The following CSMD1 variants were observed in gnomAD, a reference collection of about 807,000 sequenced individuals.
The protein encoded by CSMD1 is CUB and Sushi multiple domains 1.
CSMD1 carries 213 observed loss-of-function variants against 417.5 expected under a neutral mutation model. The ratio of observed to expected loss-of-function variants is 0.51; its 90% CI spans 0.46 to 0.57. The LOEUF (loss-of-function observed/expected upper bound fraction) is 0.57, where lower values mean the gene tolerates loss of function less well. Among genes scored for constraint, CSMD1 ranks in the 20% least tolerant of loss-of-function variants. The pLI, the probability that CSMD1 is intolerant of heterozygous loss-of-function variation, is 0.00. For missense variants in CSMD1, 6,923 were observed against 4,529.7 expected (o/e 1.53, Z -15.17); for synonymous variants, 2,862 against 1,736.8 (o/e 1.65, Z -16.11).
intron 1 of CSMD1, among the ~76,000 whole-genome samples, chr8:4,704,876 C>T (rs1651259500): frequency 6.6e-6 from 1 of 152,118 alleles, no homozygotes; most frequent in Admixed American, 6.6e-5. Flanking sequence ...GCTCCAAAAA[C>T]CCTATGGTAA....
intron 3 of CSMD1, among the ~76,000 whole-genome samples, chr8:4,133,582 A>G (rs1803240058): frequency 6.6e-6 from 1 of 152,194 alleles, no homozygotes; most frequent in Non-Finnish European, 1.5e-5. Flanking sequence ...ATTAACGCCG[A>G]TATGTGTAAT....
chr8:3,170,341 G>A (rs973382799), intron 37 of CSMD1, among the ~76,000 whole-genome samples: 6 of 152,194 alleles, frequency 3.9e-5, no homozygotes, highest in African/African-American at 1.4e-4. Flanking sequence ...CCGAGTAGCT[G>A]GGACTACAGG....
chr8:4,088,664 T>C (rs17404086), intron 3 of CSMD1, among the ~76,000 whole-genome samples: 48,283 of 152,066 alleles, frequency 0.32, 8,149 homozygotes, highest in Middle Eastern at 0.4. Context: ...TCTTCATGTT[T>C]TCACCTTCAG....
intron 12 of CSMD1, among the ~76,000 whole-genome samples, chr8:3,465,619 T>C (rs73660035): frequency 5.9e-5 from 9 of 152,086 alleles, no homozygotes; most frequent in African/African-American, 1.9e-4. Context: ...ATCCGAAGAT[T>C]TGAGGGTCCC....
chr8:3,777,384 T>C (rs1465098627), intron 5 of CSMD1, among the ~76,000 whole-genome samples: 2 of 152,088 alleles, frequency 1.3e-5, no homozygotes, highest in African/African-American at 4.8e-5. Context: ...TGCAGGATAC[T>C]TGCATGGCCC....
chr8:3,310,635 CATCTATCCCTATGATCAGT>C (rs1805259244), intron 23 of CSMD1, among the ~76,000 whole-genome samples: 1 of 152,188 alleles, frequency 6.6e-6, no homozygotes, highest in Non-Finnish European at 1.5e-5. Flanking sequence ...TTGAGTTCAG[CATCTATCCCTATGATCAGT>C]ACCACTGGAA....
chr8:3,037,367 A>G (rs56145816), intron 50 of CSMD1, among the ~76,000 whole-genome samples: 31,905 of 131,656 alleles, frequency 0.24, 4,860 homozygotes, highest in African/African-American at 0.32. Context: ...CACCAAGCCC[A>G]GCTAATTTTT....
At position 2,937,301 on chromosome 8, in the gene CSMD1, G is replaced by C. The variant is rs933340376; in HGVS notation, c.*1284C>G. The C allele has an allele frequency of 6.6e-6, 1 of 152,120 alleles. No individual in the cohort carries two copies. The highest frequency in any genetic ancestry group is 2.1e-4 in the South Asian group (1 of 4,824). The allele number at this position is 152,120 out of a possible 1,614,324, so 9.4% of individuals were successfully genotyped here. A position where few individuals can be genotyped will look rare whatever the true frequency, so the allele number is the denominator to read the frequency against. ...TATAAAATATATCATTGTGAGAGGAGAGTGTGTGTACTTTTTCCTTCCCTC... is the reference window on the plus strand; with the variant it reads ...TATAAAATATATCATTGTGAGAGGACAGTGTGTGTACTTTTTCCTTCCCTC... On this transcript the variant is annotated 3_prime_UTR_variant, in exon 70 of 70. Coordinates refer to ENST00000635120, the MANE Select transcript of CSMD1 (RefSeq NM_033225.6).
chr8:4,391,067 G>A (rs769168312), intron 3 of CSMD1, among the ~76,000 whole-genome samples: 17 of 152,158 alleles, frequency 1.1e-4, no homozygotes, highest in African/African-American at 2.7e-4. Flanking sequence ...CACTAGGGTC[G>A]TTGTCTAGAT....
At chr8:3,831,108 A>T (rs914795921) in intron 5 of CSMD1, among the ~76,000 whole-genome samples, 6 of 152,214 alleles carry the variant, frequency 3.9e-5, no homozygotes. Context: ...TACCATTCAG[A>T]ATTAAATGTT....
intron 3 of CSMD1, among the ~76,000 whole-genome samples, chr8:4,118,681 T>C (rs1485014285): frequency 4.6e-5 from 7 of 152,194 alleles, no homozygotes; most frequent in African/African-American, 1.7e-4. Flanking sequence ...GAAGACAGTG[T>C]GGTGATTGCT....
At chr8:4,690,799 G>A (rs1342108005) in intron 1 of CSMD1, among the ~76,000 whole-genome samples, 1 of 152,090 alleles carries the variant, frequency 6.6e-6, no homozygotes, top group Non-Finnish European at 1.5e-5. Flanking sequence ...TGCGATCTCG[G>A]CTCACTGCAA....
intron 1 of CSMD1, among the ~76,000 whole-genome samples, chr8:4,920,735 A>T (rs183565397): frequency 5.9e-4 from 90 of 152,016 alleles, no homozygotes; most frequent in Middle Eastern, 6.8e-3. Flanking sequence ...AGGCAGGAGA[A>T]TCACTTGAAC....
intron 2 of CSMD1, among the ~76,000 whole-genome samples, chr8:4,432,851 A>T (rs1797944587): frequency 6.6e-6 from 1 of 152,188 alleles, no homozygotes; most frequent in Admixed American, 6.5e-5. Flanking sequence ...TTGTATACCA[A>T]GGGTCTCCAA....
intron 26 of CSMD1, among the ~76,000 whole-genome samples, chr8:3,248,605 C>T (rs79038725): frequency 6.8e-6 from 1 of 146,090 alleles, no homozygotes; most frequent in Non-Finnish European, 1.5e-5. Context: ...TCTCAGCTCA[C>T]TGCAAGTTCC....
chr8:3,401,936 T>C (rs12544056), intron 15 of CSMD1, among the ~76,000 whole-genome samples: 1,852 of 149,782 alleles, frequency 0.012, 47 homozygotes, highest in East Asian at 0.095. Context: ...ATGAGGTGTT[T>C]AGAAAGCAAT....
intron 42 of CSMD1, among the ~76,000 whole-genome samples, chr8:3,110,646 A>T (rs1408833476): frequency 6.6e-6 from 1 of 152,190 alleles, no homozygotes; most frequent in Non-Finnish European, 1.5e-5. Flanking sequence ...CCTGCTGATA[A>T]CCCATCTGAG....
At chr8:3,134,408 G>T (rs185405660) in intron 41 of CSMD1, among the ~76,000 whole-genome samples, 1 of 152,276 alleles carries the variant, frequency 6.6e-6, no homozygotes, top group Non-Finnish European at 1.5e-5. Context: ...TGCGCTGCAA[G>T]TCCTTGTGGA....
chr8:4,216,481 T>C (rs1350521675), intron 3 of CSMD1, among the ~76,000 whole-genome samples: 1 of 152,218 alleles, frequency 6.6e-6, no homozygotes, highest in African/African-American at 2.4e-5. Context: ...AGTAAAATTT[T>C]ACTCATTAAT....
Sources: allele counts gnomAD v4.1 joint callset (sites outside exome capture counted in the v4.1 genomes callset), GRCh38; gene constraint gnomAD v4.1.1; transcripts MANE v1.5; gene names NCBI Gene and HGNC (gene_info 2026-07-23, HGNC 2026-07-21).